ATP2A3: variants seen among roughly 807,000 people sequenced by gnomAD.
ATP2A3 encodes ATPase sarcoplasmic/endoplasmic reticulum Ca2+ transporting 3, also known as sarcoplasmic/endoplasmic reticulum calcium ATPase 3.
A neutral mutation model predicts 106.8 loss-of-function variants in ATP2A3; 61 were observed. The ratio of observed to expected loss-of-function variants is 0.57; its 90% CI spans 0.46 to 0.71. The LOEUF (loss-of-function observed/expected upper bound fraction) is 0.71, where lower values mean the gene tolerates loss of function less well. Ranked by LOEUF, ATP2A3 falls within the 30% of genes least tolerant of loss-of-function variation. The pLI, the probability that ATP2A3 is intolerant of heterozygous loss-of-function variation, is 0.00. For missense variants in ATP2A3, 1,201 were observed against 1,423.5 expected (o/e 0.84, Z 2.52); for synonymous variants, 611 against 609.3 (o/e 1.00, Z -0.04).
intron 1 of ATP2A3, among the ~76,000 whole-genome samples, chr17:3,954,254 G>C (rs2054624208): frequency 6.6e-6 from 1 of 152,020 alleles, no homozygotes; most frequent in Non-Finnish European, 1.5e-5. Context: ...GCTGGACAAG[G>C]TCTGCAGCTG....
rs989872033 is a variant in ATP2A3 at position 3,930,007 on chromosome 17, C to G, written c.2744+294G>C. Reference sequence around the variant, plus strand: ...CCCCTAGACCCCAGTCTGGGATGCTCTTGACCTCTGGACCCCAATCCTGGA... The same window carrying G: ...CCCCTAGACCCCAGTCTGGGATGCTGTTGACCTCTGGACCCCAATCCTGGA... On this transcript the variant is annotated intron_variant, in intron 18 of 20. Coordinates refer to ENST00000397041, the MANE Select transcript of ATP2A3 (RefSeq NM_005173.4). The surrounding 1 kb of genome is among the most constrained non-coding windows in gnomAD (Gnocchi z 5.4). Among the ~76,000 whole-genome samples the G allele has an allele frequency of 2.0e-5, 3 of 151,106 alleles. No individual in the cohort carries two copies. Among genetic ancestry groups the G allele is most frequent in the Admixed American group, 6.6e-5 (1 of 15,176 alleles).
At chr17:3,940,949 G>C in intron 14 of ATP2A3, 22 bp downstream of exon 14, 1 of 1,613,676 alleles carries the variant, frequency 6.2e-7, no homozygotes, top group South Asian at 1.1e-5. Flanking sequence ...CCCCCTCCTG[G>C]GGCTCCAGGC....
At chr17:3,954,695 C>T (rs1358285375) in intron 1 of ATP2A3, among the ~76,000 whole-genome samples, 1 of 152,012 alleles carries the variant, frequency 6.6e-6, no homozygotes, top group Admixed American at 6.6e-5. Flanking sequence ...TGGGGTTTCA[C>T]TATGTTGGCC....
chr17:3,945,114 C>A lies in ATP2A3; in HGVS notation c.1130G>T (p.Cys377Phe). The change falls in exon 9 of 21, where the codon TGC becomes TTC. Residue 377 changes from cysteine to phenylalanine, a missense_variant. Coordinates refer to ENST00000397041, the MANE Select transcript of ATP2A3 (RefSeq NM_005173.4). ...CGAGATGGTGAACTCGTGCAAAAGG[C>A]AGGAGCCCGCATCGGCCTCGGCTAC... The part of the protein sequence containing the change: ...FVVAEADAGS[C>F]LLHEFTISGT... The A allele has an allele frequency of 6.5e-7, 1 of 1,548,312 alleles. No homozygotes were observed.
chr17:3,931,539 T>G (rs2053087280), intron 17 of ATP2A3, among the ~76,000 whole-genome samples: 1 of 149,946 alleles, frequency 6.7e-6, no homozygotes, highest in African/African-American at 2.5e-5. Context: ...TTTTTTTTTT[T>G]GAAACAGAGT....
At chr17:3,948,523 G>T (rs1169910575) in intron 7 of ATP2A3, among the ~76,000 whole-genome samples, 2 of 152,184 alleles carry the variant, frequency 1.3e-5, no homozygotes, top group Non-Finnish European at 2.9e-5. Context: ...AACATGCAGG[G>T]CCCAGCCAGA....
At chr17:3,956,801 C>G (rs992477617) in intron 1 of ATP2A3, among the ~76,000 whole-genome samples, 2 of 152,276 alleles carry the variant, frequency 1.3e-5, no homozygotes. Context: ...CTGACTGATA[C>G]CCCCTCCGCT....
intron 3 of ATP2A3, among the ~76,000 whole-genome samples, chr17:3,952,212 G>A (rs1025949181): frequency 3.3e-5 from 5 of 152,158 alleles, no homozygotes; most frequent in Non-Finnish European, 7.4e-5. Flanking sequence ...AGCCTCCCGG[G>A]TAGATGGGAT....
chr17:3,937,328 G>T, intron 15 of ATP2A3, 88 bp downstream of exon 15: 2 of 1,439,800 alleles, frequency 1.4e-6, no homozygotes, highest in Non-Finnish European at 1.9e-6. Flanking sequence ...CTCCATCCCT[G>T]CAGCGCATCC....
chr17:3,939,608 G>A (rs1380465323), intron 14 of ATP2A3, among the ~76,000 whole-genome samples: 1 of 151,670 alleles, frequency 6.6e-6, no homozygotes, highest in Non-Finnish European at 1.5e-5. Context: ...CCAATGTGGT[G>A]AAACCCCGTC....
chr17:3,925,442 C>T lies in ATP2A3; in HGVS notation c.2981-1G>A, dbSNP rs746555487. Reference sequence around the variant, plus strand: ...AGCGCTCACTTCTGGCTCATTTCTTCTGGAAGAAAAACCCAAGAGCGCGTT... The same window carrying T: ...AGCGCTCACTTCTGGCTCATTTCTTTTGGAAGAAAAACCCAAGAGCGCGTT... On this transcript the variant is annotated splice_acceptor_variant, in intron 20 of 20. Transcript: ENST00000397041. LOFTEE classifies it high-confidence loss of function. This position sits in a 1 kb window ranked among gnomAD's most constrained non-coding sequence, Gnocchi z 4.2. 3 of 1,613,414 alleles carry T rather than the reference C, an allele frequency of 1.9e-6. No individual in the cohort carries two copies. Among genetic ancestry groups the T allele is most frequent in the South Asian group, 2.2e-5 (2 of 91,010 alleles).
rs1236164476 is a variant in ATP2A3, at chr17:3,936,322, G to A, written c.2469C>T (p.Ser823=). Residue 823 remains serine, a synonymous_variant, in exon 16 of 21, where the codon AGC becomes AGT. Transcript: ENST00000397041. The surrounding 1 kb of genome is among the most constrained non-coding windows in gnomAD (Gnocchi z 5.4). The part of the protein sequence containing the change: ...DLDIMEKLPR[S]PREALISGWL... ...AGCCACTGATGAGGGCTTCTCGGGG[G>A]CTCCGGGGCAGCTTCTCCATGATGT... 1.9e-6 allele frequency: 3 copies of A among 1,614,118 alleles called. No individual in the cohort carries two copies. The highest frequency in any genetic ancestry group is 2.5e-6 in the Non-Finnish European group (3 of 1,180,018).
In ATP2A3 at chr17:3,953,807, G is replaced by T; in HGVS notation, c.119-97C>A. On this transcript the variant is annotated intron_variant, in intron 1 of 20. Coordinates refer to ENST00000397041, the MANE Select transcript of ATP2A3 (RefSeq NM_005173.4). The surrounding 1 kb of genome is among the most constrained non-coding windows in gnomAD (Gnocchi z 5.1). ...GAGTCTGGCAGTGCCTCCCCACCGT[G>T]CCCGCCCAGACCCCCACCACGGACT... is the stretch of plus-strand genomic sequence containing the variant. 7.4e-7 allele frequency: 1 copy of T among 1,342,420 alleles called. No homozygotes were observed. The highest frequency in any genetic ancestry group is 1.0e-6 in the Non-Finnish European group (1 of 958,322). 83.2% of individuals were successfully genotyped at this position (1,342,420 alleles called of 1,614,324 possible). A position where few individuals can be genotyped will look rare whatever the true frequency, so the allele number is the denominator to read the frequency against.
chr17:3,944,836 C>T (rs765085863), intron 9 of ATP2A3, 30 bp from the exon 10 acceptor site: 1 of 1,585,876 alleles, frequency 6.3e-7, no homozygotes, highest in Non-Finnish European at 8.6e-7. Flanking sequence ...ACCAGGAGGA[C>T]CTCGGCTCCG....
rs1345648562 is a variant in ATP2A3 at position 3,929,830 on chromosome 17, C to G, written c.2745-385G>C. 6.6e-6 allele frequency among the ~76,000 whole-genome samples: 1 copy of G among 151,632 alleles called. No individual in the cohort carries two copies. Among genetic ancestry groups the G allele is most frequent in the African/African-American group, 2.4e-5 (1 of 41,156 alleles). On this transcript the variant is annotated intron_variant, in intron 18 of 20. Transcript: ENST00000397041. This position sits in a 1 kb window ranked among gnomAD's most constrained non-coding sequence, Gnocchi z 4.3. The stretch of plus-strand genomic sequence containing the variant: ...TGGCCCCAGACCTTTGTTCTGGACC[C>G]CTCTAACTCCCAGACCTCAGTCCTG...
chr17:3,931,388 T>A (rs2144275931), intron 17 of ATP2A3, among the ~76,000 whole-genome samples: 1 of 152,070 alleles, frequency 6.6e-6, no homozygotes, highest in African/African-American at 2.4e-5. Flanking sequence ...GAACGGAGGG[T>A]ATTGGGGGAA....
chr17:3,937,462 G>A lies in ATP2A3; in HGVS notation c.2275C>T (p.Gln759Ter). 6.2e-7 allele frequency: 1 copy of A among 1,612,912 alleles called. No homozygotes were observed. The highest frequency in any genetic ancestry group is 8.5e-7 in the Non-Finnish European group (1 of 1,179,160). The part of the protein sequence containing the change: ...EGRAIYSNMK[Q>*]FIRYLISSNV... ...GAGGAGATGAGGTAGCGGATGAATT[G>A]CTTCATGTTGCTGTAGATGGCCCGG... is the stretch of plus-strand genomic sequence containing the variant. Residue 759 changes from glutamine (Q) to a stop codon, truncating the protein, a stop_gained, in exon 15 of 21, where the codon CAA becomes TAA. Transcript: ENST00000397041. LOFTEE classifies it high-confidence loss of function.
chr17:3,943,597 TG>T (rs146621763), intron 10 of ATP2A3, 75 bp from the exon 11 acceptor site: 300,763 of 1,602,606 alleles, frequency 0.19, 29,390 homozygotes, highest in Middle Eastern at 0.28. Flanking sequence ...ACTCACTCCT[TG>T]CCCCTGCAGC....
chr17:3,931,367 G>C (rs879845727), intron 17 of ATP2A3, among the ~76,000 whole-genome samples: 5 of 152,092 alleles, frequency 3.3e-5, no homozygotes, highest in Non-Finnish European at 7.4e-5. Flanking sequence ...ACAGAATCGT[G>C]CTAAGAGGCT....
Sources: gnomAD v4.1 joint callset for allele counts (sites outside exome capture counted in the v4.1 genomes callset) on GRCh38, gnomAD v4.1.1 for gene constraint, Gnocchi (gnomAD v3.1) non-coding constraint, MANE v1.5 for transcripts, NCBI Gene and HGNC (gene_info 2026-07-23, HGNC 2026-07-21) for gene names.